SYNDIG1: variants seen among roughly 807,000 people sequenced by gnomAD.
SYNDIG1 encodes synapse differentiation inducing 1, also known as synapse differentiation-inducing gene protein 1.
Under a neutral mutation model 19.4 loss-of-function variants are expected in SYNDIG1, and 9 were observed. That is an observed-to-expected ratio of 0.46 (90% CI 0.28 to 0.81). The LOEUF (loss-of-function observed/expected upper bound fraction) is 0.81. Ranked by LOEUF, SYNDIG1 falls within the 30% of genes least tolerant of loss-of-function variation. The pLI, the probability that SYNDIG1 is intolerant of heterozygous loss-of-function variation, is 0.12. For synonymous variants in SYNDIG1, 141 were observed against 145.9 expected (o/e 0.97, Z 0.24); for missense variants, 311 against 343.3 (o/e 0.91, Z 0.74).
chr20:24,539,619 T>C (rs2057429329), intron 1 of SYNDIG1, among the ~76,000 whole-genome samples: 1 of 152,206 alleles, frequency 6.6e-6, no homozygotes, highest in Admixed American at 6.5e-5. Context: ...GCAGACAACA[T>C]TACTGGGATT....
intron 3 of SYNDIG1, among the ~76,000 whole-genome samples, chr20:24,615,460 C>T (rs1600749500): frequency 6.6e-6 from 1 of 152,198 alleles, no homozygotes; most frequent in African/African-American, 2.4e-5. Flanking sequence ...GAGAGGCCAC[C>T]TCTCTCTAAC....
chr20:24,602,008 G>T (rs796924413), intron 3 of SYNDIG1, among the ~76,000 whole-genome samples: 2 of 150,492 alleles, frequency 1.3e-5, no homozygotes, highest in African/African-American at 2.4e-5. Flanking sequence ...TTATTTTCCA[G>T]TTCTAGAATT....
intron 3 of SYNDIG1, among the ~76,000 whole-genome samples, chr20:24,656,662 G>A (rs1490521235): frequency 2.0e-5 from 3 of 152,170 alleles, no homozygotes; most frequent in Non-Finnish European, 4.4e-5. Context: ...AGTGCGCCTC[G>A]CCCTCCTCAG....
chr20:24,496,056 AG>A lies in SYNDIG1; in HGVS notation c.-79+26305del, dbSNP rs1230638935. ...GAGACAGGGTTTCACCATGTTAGAC[AG>A]GATGGTCTCGATCTCCTGACCTCGT... On this transcript the variant is annotated intron_variant, in intron 1 of 3. Coordinates refer to ENST00000376862, the MANE Select transcript of SYNDIG1 (RefSeq NM_024893.3). Among the ~76,000 whole-genome samples the A allele has an allele frequency of 2.0e-5, 3 of 152,262 alleles. No homozygotes were observed. In the South Asian group the frequency reaches 6.2e-4, roughly 32 times the overall value.
chr20:24,619,137 T>G (rs188130312), intron 3 of SYNDIG1, among the ~76,000 whole-genome samples: 195 of 152,336 alleles, frequency 1.3e-3, no homozygotes, highest in African/African-American at 4.3e-3. Flanking sequence ...TCTATCTCAT[T>G]GTTTTAAATG....
chr20:24,480,153 C>A (rs2055756791), intron 1 of SYNDIG1, among the ~76,000 whole-genome samples: 1 of 152,198 alleles, frequency 6.6e-6, no homozygotes, highest in Non-Finnish European at 1.5e-5. Context: ...GTTTGGCATC[C>A]CCGCTTCTAG....
intron 3 of SYNDIG1, among the ~76,000 whole-genome samples, chr20:24,590,239 G>A (rs1012976677): frequency 3.9e-5 from 6 of 152,008 alleles, no homozygotes; most frequent in Non-Finnish European, 8.8e-5. Flanking sequence ...CTGCAGTGCC[G>A]AGGCCCTGGG....
intron 3 of SYNDIG1, among the ~76,000 whole-genome samples, chr20:24,634,928 A>G (rs2059300474): frequency 6.6e-6 from 1 of 152,208 alleles, no homozygotes; most frequent in African/African-American, 2.4e-5. Context: ...GCGGTGTCTC[A>G]CAGTGACTCA....
chr20:24,640,024 T>C (rs533410912), intron 3 of SYNDIG1, among the ~76,000 whole-genome samples: 1 of 152,324 alleles, frequency 6.6e-6, no homozygotes, highest in South Asian at 2.1e-4. Flanking sequence ...AAATCTTTAT[T>C]CTTGTTTCTT....
chr20:24,665,658 C>T lies in SYNDIG1; in HGVS notation c.*154C>T, dbSNP rs2059641647. ...ACCCATGGATTTATTTTGTTTTTAT[C>T]CTTTAATTTCATGTTCACAGCACTG... On this transcript the variant is annotated 3_prime_UTR_variant, in exon 4 of 4. Transcript: ENST00000376862. 22 of 1,085,638 alleles carry T rather than the reference C, an allele frequency of 2.0e-5. No individual in the cohort carries two copies. In the South Asian group the frequency reaches 3.6e-4, roughly 18 times the overall value. 67.3% of individuals were successfully genotyped at this position (1,085,638 alleles called of 1,614,324 possible).
chr20:24,557,300 C>T (rs908295229), intron 2 of SYNDIG1, among the ~76,000 whole-genome samples: 4 of 152,192 alleles, frequency 2.6e-5, no homozygotes, highest in Non-Finnish European at 2.9e-5. Flanking sequence ...CTTCTTCTCT[C>T]GACTCGTCAA....
At chr20:24,626,791 G>C (rs538097882) in intron 3 of SYNDIG1, among the ~76,000 whole-genome samples, 3,727 of 152,340 alleles carry the variant, frequency 0.024, 57 homozygotes, top group African/African-American at 0.036. Flanking sequence ...GCACCATTGA[G>C]CACTGAGTTA....
chr20:24,638,045 CA>C (rs1437851728), intron 3 of SYNDIG1, among the ~76,000 whole-genome samples: 4 of 152,328 alleles, frequency 2.6e-5, no homozygotes, highest in African/African-American at 7.2e-5. Flanking sequence ...GTGTTCCCTC[CA>C]AACACTGCAT....
intron 1 of SYNDIG1, among the ~76,000 whole-genome samples, chr20:24,530,852 A>G (rs2057243751): frequency 6.7e-6 from 1 of 148,182 alleles, no homozygotes; most frequent in Non-Finnish European, 1.5e-5. Flanking sequence ...TCTGTCGCCC[A>G]GGCTGGAGAG....
chr20:24,628,320 C>T (rs2059189737), intron 3 of SYNDIG1, among the ~76,000 whole-genome samples: 1 of 152,214 alleles, frequency 6.6e-6, no homozygotes, highest in African/African-American at 2.4e-5. Context: ...GCAAAGTACT[C>T]CTCTGCAGTC....
chr20:24,471,798 A>C (rs888602182), intron 1 of SYNDIG1, among the ~76,000 whole-genome samples: 4 of 152,156 alleles, frequency 2.6e-5, no homozygotes, highest in African/African-American at 9.7e-5. Flanking sequence ...TTGTTTGATG[A>C]AGTATTTCAA....
intron 2 of SYNDIG1, among the ~76,000 whole-genome samples, chr20:24,581,423 G>A (rs1237860494): frequency 6.6e-6 from 1 of 152,118 alleles, no homozygotes; most frequent in Non-Finnish European, 1.5e-5. Flanking sequence ...GAGGTCAAGG[G>A]CTGAGCTGCG....
chr20:24,584,536 C>T (rs1306712387), intron 2 of SYNDIG1, among the ~76,000 whole-genome samples: 2 of 152,194 alleles, frequency 1.3e-5, no homozygotes, highest in East Asian at 3.9e-4. Context: ...CCTTTGTCCC[C>T]ACCATCCAGG....
intron 1 of SYNDIG1, among the ~76,000 whole-genome samples, chr20:24,496,295 A>G (rs532868225): frequency 3.9e-5 from 6 of 152,178 alleles, no homozygotes; most frequent in East Asian, 1.9e-4. Flanking sequence ...CACTGAATCT[A>G]TGGCTGCGTT....
Sources: gnomAD v4.1 joint callset for allele counts (sites outside exome capture counted in the v4.1 genomes callset) on GRCh38, gnomAD v4.1.1 for gene constraint, MANE v1.5 for transcripts, NCBI Gene and HGNC (gene_info 2026-07-23, HGNC 2026-07-21) for gene names.